The following FAM124A variants were observed in gnomAD, a reference collection of about 807,000 sequenced individuals.
FAM124A encodes the protein protein FAM124A.
Under a neutral mutation model 24.5 loss-of-function variants are expected in FAM124A, and 23 were observed. The ratio of observed to expected loss-of-function variants is 0.94; its 90% CI spans 0.68 to 1.33. The LOEUF (loss-of-function observed/expected upper bound fraction) is 1.33, where lower values mean the gene tolerates loss of function less well. Among genes scored for constraint, FAM124A ranks in the 40% most tolerant of loss-of-function variants. The probability of loss-of-function intolerance (pLI) is 0.00; values close to 1 mark genes in which losing one functional copy is unlikely to be tolerated. For missense variants in FAM124A, 623 were observed against 722.8 expected (o/e 0.86, Z 1.58); for synonymous variants, 287 against 314.7 (o/e 0.91, Z 0.93).
intron 2 of FAM124A, among the ~76,000 whole-genome samples, chr13:51,239,181 T>A (rs925667870): frequency 1.3e-5 from 2 of 152,230 alleles, no homozygotes; most frequent in Non-Finnish European, 2.9e-5. Flanking sequence ...TACCTTGATG[T>A]GCCTGGTGCT....
At position 51,267,851 on chromosome 13, in the gene FAM124A, C is replaced by T. The variant is rs570764074; in HGVS notation, c.835-12599C>T. Among the ~76,000 whole-genome samples, 13 of 152,262 alleles carry T rather than the reference C, an allele frequency of 8.5e-5. No individual in the cohort carries two copies. In the East Asian group the frequency reaches 1.7e-3, roughly 20 times the overall value. Reference sequence around the variant, plus strand: ...TCCTACCCCATTCACACAGAAGTGCCGTGTTAGAATAACCCAGTCCCGCCT... The same window carrying T: ...TCCTACCCCATTCACACAGAAGTGCTGTGTTAGAATAACCCAGTCCCGCCT... On this transcript the variant is annotated intron_variant, in intron 3 of 3. Coordinates refer to ENST00000322475, the MANE Select transcript of FAM124A (RefSeq NM_001242312.2).
intron 1 of FAM124A, among the ~76,000 whole-genome samples, chr13:51,223,625 C>T (rs1954285764): frequency 6.6e-6 from 1 of 152,178 alleles, no homozygotes; most frequent in Non-Finnish European, 1.5e-5. Flanking sequence ...CCCCACAGGG[C>T]CCCTCCTGCC....
intron 3 of FAM124A, among the ~76,000 whole-genome samples, chr13:51,254,936 G>A (rs185484067): frequency 2.5e-3 from 383 of 152,024 alleles, no homozygotes; most frequent in Non-Finnish European, 4.3e-3. Flanking sequence ...ATTTGTATAA[G>A]CAGCACACAG....
intron 2 of FAM124A, among the ~76,000 whole-genome samples, chr13:51,247,886 C>T (rs998157023): frequency 3.3e-5 from 5 of 152,222 alleles, no homozygotes; most frequent in Non-Finnish European, 5.9e-5. Flanking sequence ...TTCTGCCGAT[C>T]GTGTCATGAA....
At chr13:51,246,766 C>T (rs9535625) in intron 2 of FAM124A, among the ~76,000 whole-genome samples, 10,709 of 152,314 alleles carry the variant, frequency 0.07, 489 homozygotes, top group South Asian at 0.098. Context: ...CTCATCCATG[C>T]AGACTTCAGC....
chr13:51,231,109 C>T (rs772944192), intron 1 of FAM124A, among the ~76,000 whole-genome samples: 29 of 152,242 alleles, frequency 1.9e-4, no homozygotes, highest in Non-Finnish European at 3.8e-4. Flanking sequence ...TTCCAAACCT[C>T]ATCAGAGGAA....
intron 1 of FAM124A, among the ~76,000 whole-genome samples, chr13:51,223,931 A>G (rs1276316619): frequency 6.6e-6 from 1 of 152,248 alleles, no homozygotes; most frequent in Non-Finnish European, 1.5e-5. Flanking sequence ...TAAATAAAGC[A>G]TTCACTAGTC....
At chr13:51,266,002 T>C (rs1954781702) in intron 3 of FAM124A, among the ~76,000 whole-genome samples, 1 of 152,214 alleles carries the variant, frequency 6.6e-6, no homozygotes, top group East Asian at 1.9e-4. Context: ...CATATATGTA[T>C]ACGTATATAG....
chr13:51,251,632 C>T lies in FAM124A; in HGVS notation c.265C>T (p.Arg89Trp), dbSNP rs759946179. ...FRVSERRASR[R>W]RRKPPKGAQP... ...GGTGTCCGAGAGGCGGGCGTCCCGG[C>T]GGCGGCGGAAGCCCCCCAAGGGCGC... Residue 89 changes from arginine (R) to tryptophan (W), a missense_variant, in exon 3 of 4, where the codon CGG becomes TGG. Arg to Trp is a moderately radical substitution (Grantham distance 101). Coordinates refer to ENST00000322475, the MANE Select transcript of FAM124A (RefSeq NM_001242312.2). The surrounding 1 kb of genome is among the most constrained non-coding windows in gnomAD (Gnocchi z 5.3). The T allele has an allele frequency of 9.0e-6, 14 of 1,560,656 alleles. No individual in the cohort carries two copies. Among genetic ancestry groups the T allele is most frequent in the South Asian group, 2.4e-5 (2 of 82,750 alleles).
At chr13:51,252,430 T>G in intron 3 of FAM124A, 1 of 597,398 alleles carries the variant, frequency 1.7e-6, no homozygotes, top group Non-Finnish European at 2.8e-6. Context: ...GCAAACATGT[T>G]CCCAATTCTT....
rs1954851802 is a variant in FAM124A at position 51,272,854 on chromosome 13, C to T, written c.835-7596C>T. Among the ~76,000 whole-genome samples the T allele has an allele frequency of 6.6e-6, 1 of 152,202 alleles. No homozygotes were observed. The highest frequency in any genetic ancestry group is 2.4e-5 in the African/African-American group (1 of 41,452). On this transcript the variant is annotated intron_variant, in intron 3 of 3. Transcript: ENST00000322475. This position sits in a 1 kb window ranked among gnomAD's most constrained non-coding sequence, Gnocchi z 4.2. The stretch of plus-strand genomic sequence containing the variant: ...AGGCAGGAGGCTGAGGGAGTCCCCT[C>T]TCGGGAGAACTGGGAGGCTAGTGGC...
At chr13:51,263,095 C>G (rs1473619903) in intron 3 of FAM124A, among the ~76,000 whole-genome samples, 1 of 152,210 alleles carries the variant, frequency 6.6e-6, no homozygotes, top group Non-Finnish European at 1.5e-5. Context: ...CTGACATCTC[C>G]CTGTGGTGTT....
intron 2 of FAM124A, among the ~76,000 whole-genome samples, chr13:51,238,907 C>T (rs1436430899): frequency 6.6e-6 from 1 of 152,202 alleles, no homozygotes; most frequent in Non-Finnish European, 1.5e-5. Context: ...TCCTTTGATG[C>T]TTTGCTACGC....
intron 1 of FAM124A, among the ~76,000 whole-genome samples, chr13:51,226,600 G>C (rs1954317841): frequency 6.6e-6 from 1 of 152,154 alleles, no homozygotes. Flanking sequence ...AACTACCTAG[G>C]GTCAGGCAGA....
intron 2 of FAM124A, among the ~76,000 whole-genome samples, chr13:51,235,281 T>G (rs1593587843): frequency 1.3e-5 from 2 of 152,210 alleles, no homozygotes; most frequent in African/African-American, 4.8e-5. Context: ...TCCAGAAATC[T>G]AATGAGATCA....
chr13:51,236,817 A>G (rs9568558), intron 2 of FAM124A, among the ~76,000 whole-genome samples: 6,531 of 151,906 alleles, frequency 0.043, 316 homozygotes, highest in East Asian at 0.27. Context: ...CTAGTAGTCA[A>G]CTTTTATCCA....
intron 3 of FAM124A, among the ~76,000 whole-genome samples, chr13:51,254,685 G>A (rs1293100546): frequency 1.3e-5 from 2 of 152,160 alleles, no homozygotes; most frequent in Admixed American, 1.3e-4. Flanking sequence ...ACCCCTGGAA[G>A]AATTTTGTAG....
intron 2 of FAM124A, among the ~76,000 whole-genome samples, chr13:51,243,872 C>A (rs1041182581): frequency 2.6e-5 from 4 of 152,122 alleles, no homozygotes; most frequent in Non-Finnish European, 5.9e-5. Context: ...AGCCGGTGCC[C>A]TGGACATGTC....
At chr13:51,234,401 G>A (rs1954413681) in intron 2 of FAM124A, among the ~76,000 whole-genome samples, 1 of 152,152 alleles carries the variant, frequency 6.6e-6, no homozygotes, top group Admixed American at 6.5e-5. Context: ...GCTTCCTCAT[G>A]CCAGCTGCCC....
Sources: allele counts gnomAD v4.1 joint callset (sites outside exome capture counted in the v4.1 genomes callset), GRCh38; gene constraint gnomAD v4.1.1; non-coding constraint Gnocchi (gnomAD v3.1); transcripts MANE v1.5; gene names NCBI Gene and HGNC (gene_info 2026-07-23, HGNC 2026-07-21).